The following ASIC2 variants were observed in gnomAD, a reference collection of about 807,000 sequenced individuals.
ASIC2 encodes acid sensing ion channel subunit 2, also known as acid-sensing ion channel 2.
ASIC2 carries 25 observed loss-of-function variants against 57.3 expected under a neutral mutation model. The ratio of observed to expected loss-of-function variants is 0.44; its 90% CI spans 0.32 to 0.61. The LOEUF is 0.61. Among genes scored for constraint, ASIC2 ranks in the 20% least tolerant of loss-of-function variants. The pLI is 0.06. For synonymous variants in ASIC2, 319 were observed against 307.5 expected, an observed-to-expected ratio of 1.04 and a Z score of -0.39; for missense variants, 641 against 738.1, an observed-to-expected ratio of 0.87 and a Z score of 1.52.
intron 1 of ASIC2, among the ~76,000 whole-genome samples, chr17:33,417,275 C>T (rs1004926469): frequency 3.7e-4 from 57 of 152,284 alleles, no homozygotes; most frequent in African/African-American, 1.3e-3. Context: ...GTTCAAGCCC[C>T]TAATCCTTAA....
intron 1 of ASIC2, among the ~76,000 whole-genome samples, chr17:34,059,708 T>C (rs1481106808): frequency 3.3e-5 from 5 of 152,224 alleles, no homozygotes; most frequent in African/African-American, 1.2e-4. Flanking sequence ...GGGTGAGGCC[T>C]GTGACTGCCG....
At chr17:33,127,812 A>G (rs1397004658) in intron 1 of ASIC2, among the ~76,000 whole-genome samples, 2 of 152,190 alleles carry the variant, frequency 1.3e-5, no homozygotes, top group African/African-American at 4.8e-5. Flanking sequence ...TCCACATGGC[A>G]GTCAGGGAGA....
intron 2 of ASIC2, chr17:33,100,176 G>A (rs2092205934): frequency 6.6e-6 from 1 of 152,212 alleles, no homozygotes; most frequent in Admixed American, 6.5e-5. Flanking sequence ...GATACTGCTG[G>A]TCAGAGGATT....
chr17:34,032,220 A>T (rs1907647305), intron 1 of ASIC2, among the ~76,000 whole-genome samples: 2 of 152,338 alleles, frequency 1.3e-5, no homozygotes, highest in African/African-American at 4.8e-5. Context: ...ACATTCTTAA[A>T]GAAAAGAATT....
chr17:33,548,989 C>A (rs561497190), intron 1 of ASIC2, among the ~76,000 whole-genome samples: 83 of 152,192 alleles, frequency 5.5e-4, no homozygotes, highest in African/African-American at 1.3e-3. Context: ...AGATGTAACA[C>A]CATGGGATTA....
chr17:33,517,249 G>T (rs1339809125), intron 1 of ASIC2, among the ~76,000 whole-genome samples: 1 of 152,134 alleles, frequency 6.6e-6, no homozygotes, highest in Non-Finnish European at 1.5e-5. Context: ...CTGCGTAGCT[G>T]GGATTACAGG....
At chr17:33,504,520 A>C (rs1914193088) in intron 1 of ASIC2, among the ~76,000 whole-genome samples, 1 of 152,094 alleles carries the variant, frequency 6.6e-6, no homozygotes. Flanking sequence ...TTATATTTTT[A>C]GTAGAGATGG....
chr17:33,332,765 T>C (rs1039880408), intron 1 of ASIC2, among the ~76,000 whole-genome samples: 2 of 152,032 alleles, frequency 1.3e-5, no homozygotes, highest in Admixed American at 6.6e-5. Context: ...GTTGTACATG[T>C]CTGTAGTCCC....
intron 1 of ASIC2, among the ~76,000 whole-genome samples, chr17:33,932,413 T>C (rs1325595383): frequency 1.3e-5 from 2 of 151,950 alleles, no homozygotes; most frequent in Non-Finnish European, 2.9e-5. Flanking sequence ...AAATAAAATA[T>C]AGTATAAAAG....
chr17:33,263,459 A>G (rs1370364125), intron 1 of ASIC2, among the ~76,000 whole-genome samples: 1 of 152,224 alleles, frequency 6.6e-6, no homozygotes, highest in African/African-American at 2.4e-5. Context: ...AAAAGCAGAG[A>G]TGCTAGCTGG....
chr17:33,175,124 C>A (rs930394167), intron 1 of ASIC2, among the ~76,000 whole-genome samples: 1 of 152,190 alleles, frequency 6.6e-6, no homozygotes, highest in Non-Finnish European at 1.5e-5. Flanking sequence ...AAGCTAAGCA[C>A]TCTGGTGATT....
At chr17:33,886,389 A>G (rs1419752587) in intron 1 of ASIC2, among the ~76,000 whole-genome samples, 1 of 152,184 alleles carries the variant, frequency 6.6e-6, no homozygotes, top group East Asian at 1.9e-4. Flanking sequence ...CGGATCAGAA[A>G]GAGCAACAGT....
chr17:33,941,030 C>T (rs544643440), intron 1 of ASIC2, among the ~76,000 whole-genome samples: 1 of 152,190 alleles, frequency 6.6e-6, no homozygotes, highest in Non-Finnish European at 1.5e-5. Flanking sequence ...CAGCGACTGG[C>T]AGTGTCAGAT....
intron 1 of ASIC2, among the ~76,000 whole-genome samples, chr17:34,128,333 G>C (rs758777259): frequency 1.3e-4 from 20 of 152,136 alleles, no homozygotes; most frequent in Non-Finnish European, 2.6e-4. Flanking sequence ...CAGGTGCAGG[G>C]AGCCTCATAG....
intron 1 of ASIC2, among the ~76,000 whole-genome samples, chr17:33,649,972 A>G (rs1906866423): frequency 6.6e-6 from 1 of 152,268 alleles, no homozygotes; most frequent in Non-Finnish European, 1.5e-5. Context: ...GTCCGTAAAG[A>G]AAAAATTGAT....
chr17:33,563,229 G>A (rs1412756530), intron 1 of ASIC2, among the ~76,000 whole-genome samples: 2 of 152,188 alleles, frequency 1.3e-5, no homozygotes, highest in African/African-American at 2.4e-5. Flanking sequence ...AGGACAAGAA[G>A]GGAAATGACA....
chr17:33,451,745 C>T (rs1190043166), intron 1 of ASIC2, among the ~76,000 whole-genome samples: 1 of 152,196 alleles, frequency 6.6e-6, no homozygotes, highest in East Asian at 1.9e-4. Context: ...GGCATATCCT[C>T]AATGGTGTAT....
At chr17:33,046,046 ATTGT>A (rs2091953134) in intron 3 of ASIC2, among the ~76,000 whole-genome samples, 1 of 152,170 alleles carries the variant, frequency 6.6e-6, no homozygotes, top group African/African-American at 2.4e-5. Flanking sequence ...GCAGCCGTGA[ATTGT>A]TTGTTTCCCT....
chr17:33,914,824 G>T (rs1915549383), intron 1 of ASIC2, among the ~76,000 whole-genome samples: 1 of 152,220 alleles, frequency 6.6e-6, no homozygotes, highest in Non-Finnish European at 1.5e-5. Context: ...GAGCTGTCTG[G>T]CTCAGGGCCA....
Sources: allele counts gnomAD v4.1 joint callset (sites outside exome capture counted in the v4.1 genomes callset), GRCh38; gene constraint gnomAD v4.1.1; transcripts MANE v1.5; gene names NCBI Gene and HGNC (gene_info 2026-07-23, HGNC 2026-07-21).